GPATCH11: variants seen among roughly 807,000 people sequenced by gnomAD.
The protein encoded by GPATCH11 is G patch domain-containing protein 11.
GPATCH11 carries 32 observed loss-of-function variants against 44.8 expected under a neutral mutation model. That is an observed-to-expected ratio of 0.71 (90% CI 0.54 to 0.96). The LOEUF (loss-of-function observed/expected upper bound fraction) is 0.96, where lower values mean the gene tolerates loss of function less well. GPATCH11 is among the 40% of genes least tolerant of loss of function. GPATCH11 has a pLI of 0.00. For synonymous variants in GPATCH11, 84 were observed against 94.4 expected (o/e 0.89, Z 0.64); for missense variants, 324 against 303.1 (o/e 1.07, Z -0.51).
At chr2:37,092,873 T>C (rs1217917135) in intron 6 of GPATCH11, among the ~76,000 whole-genome samples, 1 of 152,182 alleles carries the variant, frequency 6.6e-6, no homozygotes, top group East Asian at 1.9e-4. Flanking sequence ...GGGCCAGGCA[T>C]GATGGCTCAA....
chr2:37,089,876 A>T lies in GPATCH11; in HGVS notation c.286+10A>T. 2.0e-6 allele frequency: 3 copies of T among 1,533,772 alleles called. No homozygotes were observed. The highest frequency in any genetic ancestry group is 2.7e-6 in the Non-Finnish European group (3 of 1,131,452). On this transcript the variant is annotated intron_variant, in intron 3 of 8. Coordinates refer to ENST00000674370, the MANE Select transcript of GPATCH11 (RefSeq NM_174931.4). ...GCACTTGGCAAGAGTGGTAAGTCAC[A>T]TGTGGAAATAAACAGGTATTCCTTA...
intron 1 of GPATCH11, among the ~76,000 whole-genome samples, chr2:37,087,185 TC>T (rs1291239279): frequency 6.6e-6 from 1 of 152,186 alleles, no homozygotes; most frequent in African/African-American, 2.4e-5. Flanking sequence ...GGTCATCTCG[TC>T]CCCTGGTGCT....
At chr2:37,090,794 C>A in intron 4 of GPATCH11, 72 bp downstream of exon 4, 1 of 738,366 alleles carries the variant, frequency 1.4e-6, no homozygotes, top group South Asian at 1.9e-5. Flanking sequence ...TATATTTGCT[C>A]AATAAATACT....
At chr2:37,094,353 G>C in intron 7 of GPATCH11, 158 bp downstream of exon 7, 1 of 547,106 alleles carries the variant, frequency 1.8e-6, no homozygotes, top group African/African-American at 1.9e-5. Flanking sequence ...TTGCACTTTT[G>C]CTTATGACAA....
chr2:37,095,153 A>T (rs1000466203), intron 7 of GPATCH11, among the ~76,000 whole-genome samples: 2 of 152,212 alleles, frequency 1.3e-5, no homozygotes, highest in African/African-American at 4.8e-5. Flanking sequence ...TTGAAAGTAG[A>T]AAAAGCCTTT....
intron 1 of GPATCH11, among the ~76,000 whole-genome samples, chr2:37,086,854 G>C (rs536657732): frequency 2.6e-5 from 4 of 152,056 alleles, no homozygotes; most frequent in Admixed American, 6.5e-5. Flanking sequence ...TTTTCATCCA[G>C]TGTAATTGTC....
rs1294729694 is a variant in GPATCH11, at chr2:37,094,129, G to A, written c.588G>A (p.Glu196=). 5 of 1,595,220 alleles carry A rather than the reference G, an allele frequency of 3.1e-6. No homozygotes were observed. The highest frequency in any genetic ancestry group is 4.3e-6 in the Non-Finnish European group (5 of 1,170,482). Residue 196 remains glutamate, a synonymous_variant, in exon 7 of 9, where the codon GAG becomes GAA. Coordinates refer to ENST00000674370, the MANE Select transcript of GPATCH11 (RefSeq NM_174931.4). ...REAWYWLRLE[E]ETEEDEEEKE... ...CATGGTACTGGTTGAGGCTTGAAGA[G>A]GAGACTGAAGAAGATGAAGAAGAAA...
chr2:37,088,123 A>C (rs1673133278), intron 1 of GPATCH11, among the ~76,000 whole-genome samples: 3 of 152,202 alleles, frequency 2.0e-5, no homozygotes, highest in Admixed American at 2.0e-4. Flanking sequence ...CAGCTTCATA[A>C]GAGGTCAGGA....
chr2:37,096,340 C>T lies in GPATCH11; in HGVS notation c.*77C>T. ...TAGACAATTTAGCAGTTGGAAATCT[C>T]AAATTTTTTATGCCAGTAAAGAAAG... On this transcript the variant is annotated 3_prime_UTR_variant, in exon 9 of 9. Transcript: ENST00000674370. The T allele has an allele frequency of 2.2e-6, 2 of 907,546 alleles. No homozygotes were observed. The highest frequency in any genetic ancestry group is 3.4e-6 in the Non-Finnish European group (2 of 592,148). 56.2% of individuals were successfully genotyped at this position (907,546 alleles called of 1,614,324 possible). A position where few individuals can be genotyped will look rare whatever the true frequency, so the allele number is the denominator to read the frequency against.
intron 7 of GPATCH11, 108 bp downstream of exon 7, chr2:37,094,303 T>A: frequency 1.4e-6 from 1 of 692,232 alleles, no homozygotes; most frequent in Non-Finnish European, 2.5e-6. Flanking sequence ...CATTGCAAGA[T>A]GTTTAGCAGC....
chr2:37,095,111 C>G (rs1673510158), intron 7 of GPATCH11, among the ~76,000 whole-genome samples: 2 of 152,158 alleles, frequency 1.3e-5, no homozygotes, highest in African/African-American at 2.4e-5. Context: ...AGGCCATATT[C>G]ACCTTCACCT....
intron 4 of GPATCH11, among the ~76,000 whole-genome samples, chr2:37,091,223 C>T (rs1673303062): frequency 6.6e-6 from 1 of 151,846 alleles, no homozygotes; most frequent in African/African-American, 2.4e-5. Flanking sequence ...ACTTGGGAGG[C>T]TGAGGCAGGA....
chr2:37,092,229 G>A lies in GPATCH11; in HGVS notation c.514G>A (p.Ala172Thr). Reference sequence around the variant, plus strand: ...AGGAGATCTCAGAAGAAGCCAGCGAGCCTGTCAACAACTGGATGTCCAGAA... The same window carrying A: ...AGGAGATCTCAGAAGAAGCCAGCGAACCTGTCAACAACTGGATGTCCAGAA... ...LEGDLRRSQR[A>T]CQQLDVQKNI... is the part of the protein sequence containing the mutation. Residue 172 changes from alanine to threonine, a missense_variant, in exon 6 of 9, where the codon GCC becomes ACC. Transcript: ENST00000674370. The A allele has an allele frequency of 2.6e-6, 4 of 1,523,752 alleles. No individual in the cohort carries two copies. The highest frequency in any genetic ancestry group is 2.7e-5 in the South Asian group (2 of 73,184). The allele number at this position is 1,523,752 out of a possible 1,614,324, so 94.4% of individuals were successfully genotyped here. A position where few individuals can be genotyped will look rare whatever the true frequency, so the allele number is the denominator to read the frequency against.
rs1673748208 is a variant in GPATCH11 at position 37,099,034 on chromosome 2, T to G, written c.*2771T>G. 6.6e-6 allele frequency: 1 copy of G among 152,218 alleles called. No homozygotes were observed. The highest frequency in any genetic ancestry group is 2.4e-5 in the African/African-American group (1 of 41,468). 9.4% of individuals were successfully genotyped at this position (152,218 alleles called of 1,614,324 possible). A position where few individuals can be genotyped will look rare whatever the true frequency, so the allele number is the denominator to read the frequency against. ...TGTTGTAGAACATTAATACGAAATT[T>G]GAAACTGCAAAACAATGTAAAATTT... On this transcript the variant is annotated 3_prime_UTR_variant, in exon 9 of 9. Transcript: ENST00000674370.
chr2:37,094,619 T>C (rs1293686911), intron 7 of GPATCH11, among the ~76,000 whole-genome samples: 1 of 152,154 alleles, frequency 6.6e-6, no homozygotes, highest in Non-Finnish European at 1.5e-5. Flanking sequence ...TTTTTTCTCC[T>C]ACTTATAAAC....
chr2:37,092,221 G>T lies in GPATCH11; in HGVS notation c.506G>T (p.Ser169Ile). ...AAGCTAGAAGGAGATCTCAGAAGAAGCCAGCGAGCCTGTCAACAACTGGAT... is the reference window on the plus strand; with the variant it reads ...AAGCTAGAAGGAGATCTCAGAAGAATCCAGCGAGCCTGTCAACAACTGGAT... ...EMKLEGDLRR[S>I]QRACQQLDVQ... The change falls in exon 6 of 9, where the codon AGC (serine) becomes ATC (isoleucine). Residue 169 changes from serine to isoleucine, a missense_variant. Transcript: ENST00000674370. 1 of 1,530,624 alleles carries T rather than the reference G, an allele frequency of 6.5e-7. No homozygotes were observed. Among genetic ancestry groups the T allele is most frequent in the Non-Finnish European group, 8.7e-7 (1 of 1,143,312 alleles). The allele number at this position is 1,530,624 out of a possible 1,614,324, so 94.8% of individuals were successfully genotyped here. A position where few individuals can be genotyped will look rare whatever the true frequency, so the allele number is the denominator to read the frequency against.
chr2:37,095,602 A>C (rs965928519), intron 8 of GPATCH11, 84 bp downstream of exon 8: 5 of 1,375,446 alleles, frequency 3.6e-6, no homozygotes, highest in Non-Finnish European at 2.9e-6. Context: ...GACAATGGAA[A>C]TTTCTTATTC....
At chr2:37,086,561 G>A (rs562765122) in intron 1 of GPATCH11, among the ~76,000 whole-genome samples, 10 of 152,256 alleles carry the variant, frequency 6.6e-5, no homozygotes, top group African/African-American at 2.2e-4. Flanking sequence ...TTGGGAGACC[G>A]AGTGAGGCAG....
rs1673701746 is a variant in GPATCH11, at chr2:37,098,386, A to AGG, written c.*2124_*2125insGG. On this transcript the variant is annotated 3_prime_UTR_variant, in exon 9 of 9. Coordinates refer to ENST00000674370, the MANE Select transcript of GPATCH11 (RefSeq NM_174931.4). ...TATATATATAGAGAGAGAGAGAGAGAGAGAGCTATTAATAAAACAGAGGAG... is the reference window on the plus strand; with the variant it reads ...TATATATATAGAGAGAGAGAGAGAGAGGGAGAGCTATTAATAAAACAGAGGAG... 2 of 150,840 alleles carry AGG rather than the reference A, an allele frequency of 1.3e-5. No individual in the cohort carries two copies. Among genetic ancestry groups the AGG allele is most frequent in the Admixed American group, 1.3e-4 (2 of 15,116 alleles). 9.3% of individuals were successfully genotyped at this position (150,840 alleles called of 1,614,324 possible).
Sources: gnomAD v4.1 joint callset for allele counts (sites outside exome capture counted in the v4.1 genomes callset) on GRCh38, gnomAD v4.1.1 for gene constraint, MANE v1.5 for transcripts, NCBI Gene and HGNC (gene_info 2026-07-23, HGNC 2026-07-21) for gene names.